The following SNX13 variants were observed in gnomAD, a reference collection of about 807,000 sequenced individuals.
SNX13 encodes sorting nexin-13.
SNX13 carries 45 observed loss-of-function variants against 133.6 expected under a neutral mutation model. That is an observed-to-expected ratio of 0.34 (90% CI 0.27 to 0.43). The LOEUF (loss-of-function observed/expected upper bound fraction) is 0.43. Ranked by LOEUF, SNX13 falls within the 20% of genes least tolerant of loss-of-function variation. The pLI is 1.00. For synonymous variants in SNX13, 414 were observed against 373.9 expected (o/e 1.11, Z -1.24); for missense variants, 1,032 against 1,145.1 (o/e 0.90, Z 1.43).
intron 9 of SNX13, among the ~76,000 whole-genome samples, chr7:17,853,794 T>C (rs987910740): frequency 6.6e-6 from 1 of 151,874 alleles, no homozygotes; most frequent in Non-Finnish European, 1.5e-5. Flanking sequence ...ATACAAAAAT[T>C]AGCCAGGCAT....
intron 13 of SNX13, among the ~76,000 whole-genome samples, chr7:17,839,046 T>C (rs1449296172): frequency 6.8e-6 from 1 of 148,128 alleles, no homozygotes; most frequent in African/African-American, 2.4e-5. Context: ...ATTACAATAT[T>C]ATTAGATTAC....
chr7:17,850,552 TAAAAG>T, intron 10 of SNX13, 117 bp from the exon 11 acceptor site: 2 of 669,558 alleles, frequency 3.0e-6, no homozygotes, highest in East Asian at 3.0e-5. Flanking sequence ...TTTTAGTCAA[TAAAAG>T]AAACCATCTG....
chr7:17,884,443 TG>T (rs1322321037), intron 5 of SNX13, among the ~76,000 whole-genome samples: 2 of 152,234 alleles, frequency 1.3e-5, no homozygotes, highest in Non-Finnish European at 2.9e-5. Context: ...CTATTCTTTG[TG>T]TTCTTATGAA....
At chr7:17,846,316 A>G (rs1229737159) in intron 11 of SNX13, among the ~76,000 whole-genome samples, 2 of 152,152 alleles carry the variant, frequency 1.3e-5, no homozygotes, top group Admixed American at 1.3e-4. Context: ...GGCTAGTTAC[A>G]TTACAGATAT....
chr7:17,848,774 G>A (rs374541563), intron 11 of SNX13, among the ~76,000 whole-genome samples: 33 of 152,326 alleles, frequency 2.2e-4, no homozygotes, highest in African/African-American at 6.7e-4. Context: ...GCTTGCTCAC[G>A]CGCTCCCCAC....
In SNX13 at chr7:17,797,280, A is replaced by G. The variant is rs147631005; in HGVS notation, c.2514-341T>C. ...TCTGCTGATTGAACATCTCATCCAA[A>G]TGCAACCCTACAATATCTTGAATCT... On this transcript the variant is annotated intron_variant, in intron 24 of 25. Transcript: ENST00000428135. 2.5e-3 allele frequency among the ~76,000 whole-genome samples: 387 copies of G among 151,922 alleles called. 1 individual carries two copies. Among genetic ancestry groups the G allele is most frequent in the African/African-American group, 8.8e-3 (366 of 41,514 alleles).
chr7:17,932,277 T>C (rs1801466446), intron 1 of SNX13, among the ~76,000 whole-genome samples: 1 of 152,194 alleles, frequency 6.6e-6, no homozygotes, highest in African/African-American at 2.4e-5. Flanking sequence ...TAATCAGATT[T>C]TTCCCTGTAG....
Position 17,873,565 on chromosome 7 carries a change from C to A in SNX13, c.716G>T (p.Gly239Val). 6.3e-7 allele frequency: 1 copy of A among 1,586,572 alleles called. No individual in the cohort carries two copies. The highest frequency in any genetic ancestry group is 8.6e-7 in the Non-Finnish European group (1 of 1,166,878). ...TCGCATGATCTTGTTCTGGAAATCT[C>A]CAGGAGGTAGCAATAAATATAGTAA... ...EVLLYLLLPPGDFQNKIMRYF... is the reference protein window; with the variant it reads ...EVLLYLLLPPVDFQNKIMRYF... The change falls in exon 8 of 26, where the codon GGA becomes GTA. Residue 239 changes from glycine (G) to valine (V), a missense_variant. Transcript: ENST00000428135.
chr7:17,807,895 G>C (rs1785503665), intron 20 of SNX13, among the ~76,000 whole-genome samples: 1 of 152,176 alleles, frequency 6.6e-6, no homozygotes, highest in African/African-American at 2.4e-5. Flanking sequence ...CTAACAAACA[G>C]AAAGGAACAG....
rs1783512348 is a variant in SNX13, at chr7:17,791,309, T to C, written c.*2736A>G. The C allele has an allele frequency of 6.6e-6, 1 of 151,870 alleles. No homozygotes were observed. The highest frequency in any genetic ancestry group is 1.5e-5 in the Non-Finnish European group (1 of 67,852). The allele number at this position is 151,870 out of a possible 1,614,324, so 9.4% of individuals were successfully genotyped here. A position where few individuals can be genotyped will look rare whatever the true frequency, so the allele number is the denominator to read the frequency against. ...ACACTTTCTGGTAGCACTTAACTGA[T>C]TGATTTTTCTTCCCAAATACCAGCA... On this transcript the variant is annotated 3_prime_UTR_variant, in exon 26 of 26. Coordinates refer to ENST00000428135, the MANE Select transcript of SNX13 (RefSeq NM_015132.5).
intron 1 of SNX13, among the ~76,000 whole-genome samples, chr7:17,933,731 C>T (rs1801688158): frequency 6.7e-6 from 1 of 150,030 alleles, no homozygotes; most frequent in African/African-American, 2.5e-5. Flanking sequence ...ACCTATCCAC[C>T]AAGAAAATAG....
At chr7:17,903,164 A>T (rs956402999) in intron 1 of SNX13, among the ~76,000 whole-genome samples, 11 of 152,084 alleles carry the variant, frequency 7.2e-5, no homozygotes, top group African/African-American at 2.7e-4. Flanking sequence ...ATTGGAAGAA[A>T]CTCTCAAGAT....
At chr7:17,820,138 A>T (rs1402787150) in intron 18 of SNX13, among the ~76,000 whole-genome samples, 1 of 152,176 alleles carries the variant, frequency 6.6e-6, no homozygotes, top group African/African-American at 2.4e-5. Context: ...TAGAACATTT[A>T]AATCAGGGAA....
chr7:17,912,679 T>A (rs563081256), intron 1 of SNX13, among the ~76,000 whole-genome samples: 1 of 152,176 alleles, frequency 6.6e-6, no homozygotes, highest in Non-Finnish European at 1.5e-5. Flanking sequence ...CTCAAAGTGC[T>A]GGGATTACAG....
At chr7:17,900,729 G>C (rs146011503) in intron 1 of SNX13, among the ~76,000 whole-genome samples, 2 of 152,128 alleles carry the variant, frequency 1.3e-5, no homozygotes, top group Admixed American at 1.3e-4. Flanking sequence ...CTGGCTCAGG[G>C]TAGGTCATGA....
chr7:17,825,004 G>A (rs747539982), intron 17 of SNX13, among the ~76,000 whole-genome samples: 15 of 152,050 alleles, frequency 9.9e-5, no homozygotes, highest in Admixed American at 8.5e-4. Context: ...TCTTGACCTC[G>A]TGATCCGCCT....
At chr7:17,814,724 T>C (rs2128297499) in intron 20 of SNX13, 110 bp downstream of exon 20, 1 of 881,274 alleles carries the variant, frequency 1.1e-6, no homozygotes, top group African/African-American at 1.8e-5. Flanking sequence ...CTTAATAAAA[T>C]TTTCTAGTTT....
At chr7:17,831,741 G>C (rs1407357574) in intron 15 of SNX13, 1 of 983,740 alleles carries the variant, frequency 1.0e-6, no homozygotes, top group African/African-American at 1.8e-5. Context: ...AATGCATGTA[G>C]TGCTCAGCAG....
chr7:17,921,290 T>A (rs1470359512), intron 1 of SNX13, among the ~76,000 whole-genome samples: 1 of 152,198 alleles, frequency 6.6e-6, no homozygotes, highest in Admixed American at 6.5e-5. Context: ...TTGTTATCCT[T>A]GTTCATCATA....
Sources: allele counts gnomAD v4.1 joint callset (sites outside exome capture counted in the v4.1 genomes callset), GRCh38; gene constraint gnomAD v4.1.1; transcripts MANE v1.5; gene names NCBI Gene and HGNC (gene_info 2026-07-23, HGNC 2026-07-21).